COPS3: variants seen among roughly 807,000 people sequenced by gnomAD.
The protein encoded by COPS3 is COP9 signalosome subunit 3.
In COPS3, 10 loss-of-function variants were observed where a neutral mutation model predicts 58.2. The ratio of observed to expected loss-of-function variants is 0.17; its 90% CI spans 0.11 to 0.29. The LOEUF is 0.29. COPS3 is among the 10% of genes least tolerant of loss of function. The pLI, the probability that COPS3 is intolerant of heterozygous loss-of-function variation, is 1.00. For synonymous variants in COPS3, 187 were observed against 181.7 expected (o/e 1.03, Z -0.24); for missense variants, 333 against 510.1 (o/e 0.65, Z 3.34).
chr17:17,270,548 T>C (rs1474879746), intron 4 of COPS3, among the ~76,000 whole-genome samples: 1 of 152,058 alleles, frequency 6.6e-6, no homozygotes, highest in Non-Finnish European at 1.5e-5. Flanking sequence ...GCAGCCTCCC[T>C]GAGGTGCCAA....
chr17:17,267,794 C>A, intron 5 of COPS3, 91 bp downstream of exon 5: 1 of 1,319,020 alleles, frequency 7.6e-7, no homozygotes, highest in Non-Finnish European at 1.1e-6. Flanking sequence ...ATATCGCCAA[C>A]TTGCCTGTGT....
intron 9 of COPS3, among the ~76,000 whole-genome samples, chr17:17,250,465 A>T (rs1013251665): frequency 3.9e-5 from 6 of 152,138 alleles, no homozygotes; most frequent in Non-Finnish European, 7.3e-5. Context: ...CATGTTGGCC[A>T]GGCTGGGCCA....
chr17:17,280,759 T>A (rs1477786646), intron 1 of COPS3: 17 of 1,248,184 alleles, frequency 1.4e-5, no homozygotes, highest in Non-Finnish European at 1.4e-5. Context: ...AAAGATGACA[T>A]GGCGGTGCGC....
chr17:17,280,630 C>G (rs990578788), intron 1 of COPS3: 2 of 1,303,344 alleles, frequency 1.5e-6, no homozygotes, highest in Non-Finnish European at 2.0e-6. Context: ...GGTTCCCGAG[C>G]GTGCGCCGCC....
intron 6 of COPS3, 88 bp downstream of exon 6, chr17:17,264,714 A>C: frequency 8.9e-7 from 1 of 1,122,640 alleles, no homozygotes; most frequent in Admixed American, 2.4e-5. Context: ...AGGCCCTGGG[A>C]TCAGACCACT....
chr17:17,281,006 C>A, intron 1 of COPS3, 126 bp downstream of exon 1: 1 of 1,168,566 alleles, frequency 8.6e-7, no homozygotes, highest in Non-Finnish European at 1.2e-6. Flanking sequence ...GCCGCAACCC[C>A]AAGCCCGGCC....
At chr17:17,278,281 T>C (rs953176946) in intron 1 of COPS3, among the ~76,000 whole-genome samples, 3 of 152,244 alleles carry the variant, frequency 2.0e-5, no homozygotes, top group African/African-American at 7.2e-5. Context: ...TTTAAGTCCA[T>C]GGGCATTAAC....
Position 17,247,150 on chromosome 17 carries a change from C to T in COPS3, c.1220G>A (p.Ser407Asn). The T allele has an allele frequency of 6.2e-7, 1 of 1,613,674 alleles. No homozygotes were observed. Among genetic ancestry groups the T allele is most frequent in the Non-Finnish European group, 8.5e-7 (1 of 1,179,610 alleles). The change falls in exon 12 of 12, where the codon AGT (serine) becomes AAT (asparagine). Residue 407 changes from serine to asparagine, a missense_variant and splice_region_variant. Physicochemically the swap from Ser to Asn is conservative, Grantham distance 46 (BLOSUM62 1). Transcript: ENST00000268717. ...TGAATCATCTTCTTGTGAGCCCATA[C>T]TCTGTAAAGGTAAAGTGAAGTTATG... ...ITVNPQFVQKSMGSQEDDSGN... is the reference protein window; with the variant it reads ...ITVNPQFVQKNMGSQEDDSGN...
At chr17:17,249,286 G>A (rs1270553590) in intron 9 of COPS3, among the ~76,000 whole-genome samples, 3 of 152,060 alleles carry the variant, frequency 2.0e-5, no homozygotes, top group African/African-American at 7.2e-5. Flanking sequence ...TTTTGTTATT[G>A]AGGTGAAGTC....
chr17:17,252,584 A>G (rs1413285505), intron 9 of COPS3, among the ~76,000 whole-genome samples: 3 of 152,210 alleles, frequency 2.0e-5, no homozygotes, highest in Non-Finnish European at 4.4e-5. Flanking sequence ...CCTGGCAGAC[A>G]AAATCACCCT....
In COPS3 at chr17:17,281,245, C is replaced by T. The variant is rs979101288; in HGVS notation, c.-59G>A. 1.8e-5 allele frequency: 28 copies of T among 1,565,950 alleles called. No individual in the cohort carries two copies. In the Admixed American group the frequency reaches 3.7e-4, roughly 20 times the overall value. ...GCACGCGCGGGAAAAGGCTGCCGCT[C>T]TGGGAGGAGGGGCCGCGGCGATCCA... On this transcript the variant is annotated 5_prime_UTR_variant, in exon 1 of 12. Transcript: ENST00000268717.
intron 7 of COPS3, 22 bp downstream of exon 7, chr17:17,261,944 C>G (rs771285669): frequency 6.4e-7 from 1 of 1,560,740 alleles, no homozygotes. Context: ...CGTAAGAAAT[C>G]AGTTTTATGT....
At chr17:17,271,679 G>A (rs1210585119) in intron 2 of COPS3, among the ~76,000 whole-genome samples, 2 of 150,652 alleles carry the variant, frequency 1.3e-5, no homozygotes, top group East Asian at 2.0e-4. Flanking sequence ...AAAATTAGCC[G>A]GGCGTGGTGG....
chr17:17,277,827 G>T (rs2048492864), intron 1 of COPS3, among the ~76,000 whole-genome samples: 1 of 152,110 alleles, frequency 6.6e-6, no homozygotes, highest in Non-Finnish European at 1.5e-5. Flanking sequence ...AGGATAAGGT[G>T]GGCAGATCTC....
chr17:17,257,552 C>T (rs553565827), intron 8 of COPS3, among the ~76,000 whole-genome samples: 71 of 151,712 alleles, frequency 4.7e-4, no homozygotes, highest in African/African-American at 1.6e-3. Flanking sequence ...AATCCCAGCA[C>T]TTTGGGAGGC....
chr17:17,274,280 T>C (rs975002897), intron 2 of COPS3, among the ~76,000 whole-genome samples: 4 of 152,160 alleles, frequency 2.6e-5, no homozygotes, highest in Non-Finnish European at 5.9e-5. Flanking sequence ...TGACCTATTG[T>C]GAACCCCAGA....
chr17:17,248,881 C>G lies in COPS3; in HGVS notation c.1137+45G>C, dbSNP rs778185979. On this transcript the variant is annotated intron_variant, in intron 10 of 11. Coordinates refer to ENST00000268717, the MANE Select transcript of COPS3 (RefSeq NM_003653.4). The stretch of plus-strand genomic sequence containing the variant: ...ACATAGGAGCAATTTTCAAATACAT[C>G]TCAACCATCAATTAAAAAAATAAAA... The G allele has an allele frequency of 5.4e-5, 67 of 1,232,378 alleles. 2 individuals carry two copies. In the South Asian group the frequency reaches 8.7e-4, roughly 16 times the overall value. 76.3% of individuals were successfully genotyped at this position (1,232,378 alleles called of 1,614,324 possible). A position where few individuals can be genotyped will look rare whatever the true frequency, so the allele number is the denominator to read the frequency against.
At chr17:17,274,600 T>A (rs1357819025) in intron 2 of COPS3, among the ~76,000 whole-genome samples, 1 of 151,804 alleles carries the variant, frequency 6.6e-6, no homozygotes, top group Non-Finnish European at 1.5e-5. Flanking sequence ...AATTTTTGTA[T>A]TTTTAGTAGA....
intron 9 of COPS3, among the ~76,000 whole-genome samples, chr17:17,249,762 G>C (rs1332665964): frequency 6.6e-6 from 1 of 152,202 alleles, no homozygotes; most frequent in Non-Finnish European, 1.5e-5. Context: ...AAAGTGCTGG[G>C]ATTACAGGCG....
Sources: allele counts gnomAD v4.1 joint callset (sites outside exome capture counted in the v4.1 genomes callset), GRCh38; gene constraint gnomAD v4.1.1; transcripts MANE v1.5; gene names NCBI Gene and HGNC (gene_info 2026-07-23, HGNC 2026-07-21).